Variants in FUT8 observed in about 807,000 individuals in gnomAD.
The protein encoded by FUT8 is fucosyltransferase 8.
In FUT8, 29 loss-of-function variants were observed where a neutral mutation model predicts 71.3. The observed-to-expected ratio is 0.41, with a 90% CI of 0.30 to 0.55. The LOEUF is 0.55. Ranked by LOEUF, FUT8 falls within the 20% of genes least tolerant of loss-of-function variation. FUT8 has a pLI of 0.34. For synonymous variants in FUT8, 254 were observed against 239.3 expected (o/e 1.06, Z -0.57); for missense variants, 544 against 702.1 (o/e 0.77, Z 2.55).
At chr14:65,442,414 C>T (rs1466938855) in intron 1 of FUT8, among the ~76,000 whole-genome samples, 1 of 151,984 alleles carries the variant, frequency 6.6e-6, no homozygotes, top group East Asian at 2.0e-4. Flanking sequence ...TCATGATCCG[C>T]CTGCTTCAGC....
intron 1 of FUT8, among the ~76,000 whole-genome samples, chr14:65,451,980 C>T (rs1015783857): frequency 1.3e-5 from 2 of 152,114 alleles, no homozygotes; most frequent in African/African-American, 4.8e-5. Flanking sequence ...GGCTTTTTGG[C>T]TTGAGGGTGA....
chr14:65,394,303 C>T, the FUT8 span, among the ~76,000 whole-genome samples: 1 of 152,144 alleles, frequency 6.6e-6, no homozygotes, highest in African/African-American at 2.4e-5. Context: ...GAGACTTATT[C>T]ACTACCATGA....
At chr14:65,519,836 T>C (rs1366785938) in intron 2 of FUT8, among the ~76,000 whole-genome samples, 2 of 152,162 alleles carry the variant, frequency 1.3e-5, no homozygotes, top group Admixed American at 1.3e-4. Flanking sequence ...TGGAGTGCAG[T>C]GGCATGATCT....
Position 65,467,869 on chromosome 14 carries a change from CAA to C in FUT8, c.-228+12153_-228+12154del, listed in dbSNP as rs2066069094. ...TCAGGCTCCTTCCCACTGGTTCTCA[CAA>C]AGTGTGCTTCTCTGGATGGAGCAGG... On this transcript the variant is annotated intron_variant, in intron 2 of 10. Coordinates refer to ENST00000673929, the MANE Select transcript of FUT8 (RefSeq NM_001371533.1). This position sits in a 1 kb window ranked among gnomAD's most constrained non-coding sequence, Gnocchi z 4.1. 1 of 788,954 alleles carries C rather than the reference CAA, an allele frequency of 1.3e-6. No homozygotes were observed. Among genetic ancestry groups the C allele is most frequent in the African/African-American group, 1.7e-5 (1 of 58,716 alleles). The allele number at this position is 788,954 out of a possible 1,614,324, so 48.9% of individuals were successfully genotyped here.
intron 6 of FUT8, among the ~76,000 whole-genome samples, chr14:65,635,113 G>T (rs1293111994): frequency 6.6e-6 from 1 of 151,942 alleles, no homozygotes; most frequent in Non-Finnish European, 1.5e-5. Flanking sequence ...TTATAAAAGG[G>T]GTTGAGTTCT....
At chr14:65,525,801 G>C (rs1883423975) in intron 2 of FUT8, among the ~76,000 whole-genome samples, 1 of 152,128 alleles carries the variant, frequency 6.6e-6, no homozygotes, top group Admixed American at 6.5e-5. Flanking sequence ...CTTTATTTCT[G>C]CCTTCATTTC....
At chr14:65,461,559 T>A (rs1021973187) in intron 2 of FUT8, among the ~76,000 whole-genome samples, 1 of 152,148 alleles carries the variant, frequency 6.6e-6, no homozygotes, top group African/African-American at 2.4e-5. Flanking sequence ...TTCTTCAGAG[T>A]TCTTGACAAC....
chr14:65,645,014 C>T (rs1222128591), intron 6 of FUT8, among the ~76,000 whole-genome samples: 1 of 152,174 alleles, frequency 6.6e-6, no homozygotes, highest in Admixed American at 6.5e-5. Context: ...GCTAAATATA[C>T]TGCAGAAAGG....
chr14:65,357,031 A>G, the FUT8 span, among the ~76,000 whole-genome samples: 1,179 of 152,302 alleles, frequency 7.7e-3, 14 homozygotes, highest in African/African-American at 0.027. Context: ...TCTCATCTGG[A>G]TTAATAGAAG....
chr14:65,421,378 G>C (rs2065292117), intron 1 of FUT8, among the ~76,000 whole-genome samples: 1 of 152,104 alleles, frequency 6.6e-6, no homozygotes, highest in Non-Finnish European at 1.5e-5. Context: ...GGGGGAAGGG[G>C]AGGCGTGAGA....
intron 6 of FUT8, among the ~76,000 whole-genome samples, chr14:65,653,721 T>G (rs890021868): frequency 6.6e-6 from 1 of 152,200 alleles, no homozygotes; most frequent in Non-Finnish European, 1.5e-5. Context: ...TCGTTTGTTT[T>G]GAGCCAACAT....
At chr14:65,396,715 G>T in the FUT8 span, among the ~76,000 whole-genome samples, 2 of 152,188 alleles carry the variant, frequency 1.3e-5, no homozygotes, top group Non-Finnish European at 2.9e-5. The surrounding 1 kb of genome is among the most constrained non-coding windows in gnomAD (Gnocchi z 5.5). Flanking sequence ...ACTCAGTTTG[G>T]CAAGACTATG....
rs1039464525 is a variant in FUT8, at chr14:65,499,755, C to T, written c.-228+44037C>T. On this transcript the variant is annotated intron_variant, in intron 2 of 10. Transcript: ENST00000673929. Reference sequence around the variant, plus strand: ...TTGAGTCCATCGAGGTCTATCCAGGCTGCAGTGATCTGTGATTGTACCATT... The same window carrying T: ...TTGAGTCCATCGAGGTCTATCCAGGTTGCAGTGATCTGTGATTGTACCATT... 8.6e-5 allele frequency among the ~76,000 whole-genome samples: 13 copies of T among 150,552 alleles called. No individual in the cohort carries two copies. The Admixed American group carries it at 8.6e-4, about 10-fold the overall frequency.
intron 1 of FUT8, among the ~76,000 whole-genome samples, chr14:65,444,884 C>T (rs1293860103): frequency 6.6e-6 from 1 of 152,064 alleles, no homozygotes; most frequent in East Asian, 1.9e-4. Flanking sequence ...TATGGGGGAG[C>T]CCTCACAAAT....
chr14:65,576,759 C>T (rs1162323577), intron 3 of FUT8, among the ~76,000 whole-genome samples: 3 of 119,234 alleles, frequency 2.5e-5, no homozygotes, highest in East Asian at 2.7e-4. Context: ...TAGCTTTTGT[C>T]GCCAGGATGG....
chr14:65,708,065 G>A (rs1017226965), intron 7 of FUT8, among the ~76,000 whole-genome samples: 10 of 152,086 alleles, frequency 6.6e-5, no homozygotes, highest in East Asian at 5.8e-4. Flanking sequence ...ATAGTGATAC[G>A]GTTATGCTTT....
chr14:65,599,080 C>T (rs185761277), intron 3 of FUT8, among the ~76,000 whole-genome samples: 4 of 152,302 alleles, frequency 2.6e-5, no homozygotes, highest in African/African-American at 7.2e-5. Context: ...TGAGTCACCA[C>T]GCCTGGCCCA....
At chr14:65,539,922 A>G (rs1170908868) in intron 2 of FUT8, among the ~76,000 whole-genome samples, 3 of 152,240 alleles carry the variant, frequency 2.0e-5, no homozygotes, top group African/African-American at 7.2e-5. Context: ...ACATTCTTTT[A>G]GGTAACTTGT....
chr14:65,361,799 C>CAAATAAAT, the FUT8 span, among the ~76,000 whole-genome samples: 14 of 147,104 alleles, frequency 9.5e-5, no homozygotes, highest in African/African-American at 3.7e-4. Context: ...AGAAAACAAA[C>CAAATAAAT]AAACAAACAA....
Sources: gnomAD v4.1 joint callset for allele counts (sites outside exome capture counted in the v4.1 genomes callset) on GRCh38, gnomAD v4.1.1 for gene constraint, Gnocchi (gnomAD v3.1) non-coding constraint, MANE v1.5 for transcripts, NCBI Gene and HGNC (gene_info 2026-07-23, HGNC 2026-07-21) for gene names.